The following CIROZ variants were observed in gnomAD, a reference collection of about 807,000 sequenced individuals.
The protein encoded by CIROZ is ciliated left-right organizer ZP-N domains-containing protein.
the CIROZ span, among the ~76,000 whole-genome samples, chr1:10,960,755 C>T: frequency 6.6e-6 from 1 of 152,240 alleles, no homozygotes; most frequent in Non-Finnish European, 1.5e-5. The surrounding 1 kb of genome is among the most constrained non-coding windows in gnomAD (Gnocchi z 4.6). Context: ...TATCTATGTG[C>T]CCTGTGCCCA....
chr1:10,970,084 AT>A, the CIROZ span: 1 of 1,424,530 alleles, frequency 7.0e-7, no homozygotes, highest in Non-Finnish European at 9.3e-7. Flanking sequence ...CAACAAGAAG[AT>A]GCTTCTGAGA....
the CIROZ span, chr1:10,948,243 C>T: frequency 1.6e-5 from 26 of 1,613,850 alleles, no homozygotes; most frequent in Admixed American, 1.2e-4. Flanking sequence ...CCTGGGGAGA[C>T]CAGGCCCTGT....
At chr1:10,954,067 T>G in the CIROZ span, 1 of 1,613,798 alleles carries the variant, frequency 6.2e-7, no homozygotes, top group South Asian at 1.1e-5. Flanking sequence ...GGGGCAGCCA[T>G]CTCGGCAAAT....
the CIROZ span, among the ~76,000 whole-genome samples, chr1:10,974,149 G>A: frequency 6.6e-6 from 1 of 152,252 alleles, no homozygotes; most frequent in Admixed American, 6.5e-5. The surrounding 1 kb of genome is among the most constrained non-coding windows in gnomAD (Gnocchi z 4.4). Flanking sequence ...GGGCCAGGGA[G>A]GGCCAGGGCT....
chr1:10,954,052 G>A, the CIROZ span: 12 of 1,613,580 alleles, frequency 7.4e-6, no homozygotes, highest in Non-Finnish European at 7.6e-6. Context: ...ACTGTCCAGA[G>A]GACCGGGGCA....
chr1:10,980,631 G>A, the CIROZ span, among the ~76,000 whole-genome samples: 1 of 152,218 alleles, frequency 6.6e-6, no homozygotes, highest in Non-Finnish European at 1.5e-5. Context: ...CAGGGACCCC[G>A]ACTCTGCTGT....
At chr1:10,948,129 G>A in the CIROZ span, 1 of 1,613,578 alleles carries the variant, frequency 6.2e-7, no homozygotes, top group Admixed American at 1.7e-5. Flanking sequence ...CACACTTGGG[G>A]TGGAGAATGT....
the CIROZ span, among the ~76,000 whole-genome samples, chr1:10,971,148 C>CAA: frequency 2.9e-5 from 3 of 104,970 alleles, no homozygotes; most frequent in South Asian, 3.2e-4. Context: ...GACTCCACCT[C>CAA]AAAAAAAAAA....
the CIROZ span, among the ~76,000 whole-genome samples, chr1:10,975,749 T>C: frequency 2.6e-5 from 4 of 152,076 alleles, no homozygotes; most frequent in African/African-American, 9.7e-5. Context: ...AAATCCTGGC[T>C]CTGCTACTCA....
At chr1:10,954,705 A>G in the CIROZ span, among the ~76,000 whole-genome samples, 1 of 152,148 alleles carries the variant, frequency 6.6e-6, no homozygotes, top group Non-Finnish European at 1.5e-5. Flanking sequence ...CAGTGGCACA[A>G]TCACAGCTCA....
the CIROZ span, chr1:10,947,497 G>A: frequency 1.8e-6 from 1 of 545,068 alleles, no homozygotes; most frequent in Non-Finnish European, 2.9e-6. Flanking sequence ...TAGATGCCTA[G>A]CTGTGGCTGA....
the CIROZ span, among the ~76,000 whole-genome samples, chr1:10,976,494 G>A: frequency 3.9e-5 from 6 of 152,034 alleles, no homozygotes; most frequent in Admixed American, 6.6e-5. Context: ...TGGGATTACA[G>A]GCACATGCCA....
At chr1:10,948,003 G>A in the CIROZ span, 1 of 1,613,558 alleles carries the variant, frequency 6.2e-7, no homozygotes. Flanking sequence ...TGGGCGAACA[G>A]GTTCTGGTGG....
At chr1:10,951,889 G>A in the CIROZ span, among the ~76,000 whole-genome samples, 7 of 151,818 alleles carry the variant, frequency 4.6e-5, no homozygotes, top group African/African-American at 1.7e-4. Flanking sequence ...TTTGGGGTCA[G>A]GGAAGAGGAA....
At chr1:10,959,042 A>G in the CIROZ span, among the ~76,000 whole-genome samples, 16 of 152,142 alleles carry the variant, frequency 1.1e-4, no homozygotes, top group Admixed American at 6.5e-4. This position sits in a 1 kb window ranked among gnomAD's most constrained non-coding sequence, Gnocchi z 4.3. Context: ...TGTGCATGGG[A>G]CCAACCCTGC....
the CIROZ span, chr1:10,966,455 T>A: frequency 6.5e-7 from 1 of 1,535,614 alleles, no homozygotes. Context: ...AAGAGAAGAA[T>A]CCAGGTGGTC....
At chr1:10,980,917 C>T in the CIROZ span, among the ~76,000 whole-genome samples, 3 of 152,338 alleles carry the variant, frequency 2.0e-5, no homozygotes, top group Admixed American at 6.5e-5. Flanking sequence ...CCCCCTTGCT[C>T]GCCCAGCCCC....
the CIROZ span, chr1:10,948,491 C>A: frequency 1.2e-6 from 2 of 1,614,136 alleles, no homozygotes; most frequent in Non-Finnish European, 1.7e-6. Flanking sequence ...CCTGTTCAGG[C>A]CTCACAGTTC....
the CIROZ span, among the ~76,000 whole-genome samples, chr1:10,971,337 A>T: frequency 6.6e-6 from 1 of 151,338 alleles, no homozygotes; most frequent in Non-Finnish European, 1.5e-5. Flanking sequence ...TTGACACGGC[A>T]GCCACAAGGG....
Sources: allele counts gnomAD v4.1 joint callset (sites outside exome capture counted in the v4.1 genomes callset), GRCh38; gene constraint gnomAD v4.1.1; non-coding constraint Gnocchi (gnomAD v3.1); transcripts MANE v1.5; gene names NCBI Gene and HGNC (gene_info 2026-07-23, HGNC 2026-07-21).